Variants in FECH observed in about 807,000 individuals in gnomAD.
FECH encodes ferrochelatase, mitochondrial.
Under a neutral mutation model 56.9 loss-of-function variants are expected in FECH, and 40 were observed. The ratio of observed to expected loss-of-function variants is 0.70; its 90% CI spans 0.55 to 0.92. The LOEUF (loss-of-function observed/expected upper bound fraction) is 0.92. Ranked by LOEUF, FECH falls within the 40% of genes least tolerant of loss-of-function variation. FECH has a pLI of 0.00. For synonymous variants in FECH, 175 were observed against 198.6 expected (o/e 0.88, Z 1.00); for missense variants, 431 against 529.1 (o/e 0.81, Z 1.82).
chr18:57,562,843 G>C, intron 6 of FECH, 31 bp downstream of exon 6: 1 of 1,552,514 alleles, frequency 6.4e-7, no homozygotes, highest in Non-Finnish European at 8.9e-7. Context: ...TAGATGCTGG[G>C]GTGACAGGCA....
chr18:57,550,477 A>C lies in FECH; in HGVS notation c.*235T>G. 1 of 495,634 alleles carries C rather than the reference A, an allele frequency of 2.0e-6. No individual in the cohort carries two copies. Among genetic ancestry groups the C allele is most frequent in the Non-Finnish European group, 3.6e-6 (1 of 276,446 alleles). 30.7% of individuals were successfully genotyped at this position (495,634 alleles called of 1,614,324 possible). A position where few individuals can be genotyped will look rare whatever the true frequency, so the allele number is the denominator to read the frequency against. ...ATTAAAGGTCCTGATGGACATTCCA[A>C]ACTAGTAACTTATACCTAGAGAGAG... On this transcript the variant is annotated 3_prime_UTR_variant, in exon 11 of 11. Transcript: ENST00000262093.
At chr18:57,573,921 C>T (rs2051150413) in intron 2 of FECH, among the ~76,000 whole-genome samples, 1 of 152,228 alleles carries the variant, frequency 6.6e-6, no homozygotes, top group South Asian at 2.1e-4. Flanking sequence ...CCTCCACAGT[C>T]TAATACCAGC....
At chr18:57,557,218 C>G (rs2050880167) in intron 7 of FECH, among the ~76,000 whole-genome samples, 1 of 152,164 alleles carries the variant, frequency 6.6e-6, no homozygotes, top group East Asian at 1.9e-4. Flanking sequence ...TAACTCTGTA[C>G]TCTTTTAATC....
Position 57,544,441 on chromosome 18 carries a change from AAAT to A in FECH, c.*6268_*6270del, listed in dbSNP as rs879670589. On this transcript the variant is annotated 3_prime_UTR_variant, in exon 11 of 11. Coordinates refer to ENST00000262093, the MANE Select transcript of FECH (RefSeq NM_000140.5). ...AAAAGATGTGGAATACACAATTTACAAATAATAATAAAATACACAATACACTTT... is the reference window on the plus strand; with the variant it reads ...AAAAGATGTGGAATACACAATTTACAAATAATAAAATACACAATACACTTT... 1.3e-5 allele frequency among the ~76,000 whole-genome samples: 2 copies of A among 152,374 alleles called. No individual in the cohort carries two copies. The highest frequency in any genetic ancestry group is 2.4e-5 in the African/African-American group (1 of 41,596).
intron 7 of FECH, among the ~76,000 whole-genome samples, chr18:57,557,775 C>T (rs1179987012): frequency 2.0e-5 from 3 of 151,946 alleles, no homozygotes; most frequent in Non-Finnish European, 2.9e-5. Context: ...CCAGCCTGGG[C>T]AACAGAGCAA....
intron 1 of FECH, among the ~76,000 whole-genome samples, chr18:57,583,217 A>G (rs530109189): frequency 1.5e-3 from 227 of 152,338 alleles, no homozygotes; most frequent in African/African-American, 5.3e-3. Context: ...CTACCAAACA[A>G]TTAGCATTCG....
intron 9 of FECH, among the ~76,000 whole-genome samples, chr18:57,552,129 C>A (rs889624887): frequency 4.0e-5 from 6 of 151,850 alleles, no homozygotes; most frequent in African/African-American, 1.5e-4. Flanking sequence ...AACGATCCAC[C>A]CGCCTCAGCC....
chr18:57,551,349 G>T lies in FECH; in HGVS notation c.1103C>A (p.Ala368Asp), dbSNP rs1392449080. ...KECGVENIRR[A>D]ESLNGNPLFS... ...CAATGGATTTCCATTAAGAGACTCA[G>T]CTCTTCTGATGTTTTCAACTCCACA... Residue 368 changes from alanine to aspartate, a missense_variant, in exon 10 of 11, where the codon GCT becomes GAT. By Grantham distance (126) the Ala-to-Asp change is moderately radical (BLOSUM62 -2). Coordinates refer to ENST00000262093, the MANE Select transcript of FECH (RefSeq NM_000140.5). 2 of 1,613,030 alleles carry T rather than the reference G, an allele frequency of 1.2e-6. No individual in the cohort carries two copies. The highest frequency in any genetic ancestry group is 1.3e-5 in the African/African-American group (1 of 74,882).
At chr18:57,573,648 C>T (rs150511302) in intron 2 of FECH, among the ~76,000 whole-genome samples, 84 of 152,262 alleles carry the variant, frequency 5.5e-4, no homozygotes, top group African/African-American at 2.0e-3. Context: ...GAAGAGAGAT[C>T]GAACCTTTAG....
chr18:57,574,685 A>C (rs1329225406), intron 2 of FECH, among the ~76,000 whole-genome samples: 1 of 152,290 alleles, frequency 6.6e-6, no homozygotes, highest in Non-Finnish European at 1.5e-5. Context: ...GAGCAGGACC[A>C]GGTGCCTCTG....
chr18:57,582,169 G>C (rs963412957), intron 1 of FECH, among the ~76,000 whole-genome samples: 7 of 152,152 alleles, frequency 4.6e-5, no homozygotes, highest in African/African-American at 1.4e-4. Context: ...TGGGGCATGA[G>C]AATGAAACCT....
intron 2 of FECH, among the ~76,000 whole-genome samples, chr18:57,577,309 G>GTAATATC (rs1385851430): frequency 6.7e-6 from 1 of 148,594 alleles, no homozygotes; most frequent in Non-Finnish European, 1.5e-5. Context: ...CATTGTTTAT[G>GTAATATC]TAATATCTAT....
chr18:57,574,896 A>G (rs2051162230), intron 2 of FECH, among the ~76,000 whole-genome samples: 3 of 152,244 alleles, frequency 2.0e-5, no homozygotes, highest in Non-Finnish European at 1.5e-5. Context: ...TTTCTAATAC[A>G]TAAGGAAAGG....
At chr18:57,566,422 T>C (rs1457225500) in intron 5 of FECH, 25 bp downstream of exon 5, 2 of 1,614,030 alleles carry the variant, frequency 1.2e-6, no homozygotes, top group Admixed American at 3.3e-5. Flanking sequence ...TATCTACCTT[T>C]CCACTGTCAG....
rs886053969 is a variant in FECH at position 57,546,475 on chromosome 18, T to C, written c.*4237A>G. ...TGGCTGCAGCCTAATCTCTCACCCTTTGTGGGTAATAATAATATACTTTGG... is the reference window on the plus strand; with the variant it reads ...TGGCTGCAGCCTAATCTCTCACCCTCTGTGGGTAATAATAATATACTTTGG... On this transcript the variant is annotated 3_prime_UTR_variant, in exon 11 of 11. Transcript: ENST00000262093. Among the ~76,000 whole-genome samples, 1 of 152,174 alleles carries C rather than the reference T, an allele frequency of 6.6e-6. No homozygotes were observed.
intron 6 of FECH, 119 bp from the exon 7 acceptor site, chr18:57,559,362 G>A (rs534278147): frequency 4.7e-5 from 34 of 725,368 alleles, no homozygotes; most frequent in East Asian, 2.5e-4. Context: ...TCAAAAATCC[G>A]AACTCTCTTT....
intron 7 of FECH, 76 bp from the exon 8 acceptor site, chr18:57,555,028 C>G (rs1194965215): frequency 9.0e-7 from 1 of 1,114,148 alleles, no homozygotes; most frequent in Non-Finnish European, 1.4e-6. Flanking sequence ...TGTGCTGACA[C>G]AGTGTGAGCC....
intron 9 of FECH, among the ~76,000 whole-genome samples, chr18:57,552,377 TTTTTATTTATTTTA>T (rs1314568713): frequency 6.6e-6 from 1 of 151,714 alleles, no homozygotes; most frequent in African/African-American, 2.4e-5. Context: ...GATCTTTTAT[TTTTTATTTATTTTA>T]TTTTATTTAT....
intron 1 of FECH, among the ~76,000 whole-genome samples, chr18:57,580,797 G>C (rs538908636): frequency 1.8e-4 from 28 of 152,136 alleles, no homozygotes; most frequent in East Asian, 5.8e-4. Flanking sequence ...CACCCCAGGA[G>C]TCCACATCCC....
Sources: allele counts gnomAD v4.1 joint callset (sites outside exome capture counted in the v4.1 genomes callset), GRCh38; gene constraint gnomAD v4.1.1; transcripts MANE v1.5; gene names NCBI Gene and HGNC (gene_info 2026-07-23, HGNC 2026-07-21).